The following SPAG9 variants were observed in gnomAD, a reference collection of about 807,000 sequenced individuals.
The protein encoded by SPAG9 is C-Jun-amino-terminal kinase-interacting protein 4.
In SPAG9, 35 loss-of-function variants were observed where a neutral mutation model predicts 166.5. That is an observed-to-expected ratio of 0.21 (90% CI 0.16 to 0.28). The LOEUF (loss-of-function observed/expected upper bound fraction) is 0.28. SPAG9 is among the 10% of genes least tolerant of loss of function. The probability of loss-of-function intolerance (pLI) is 1.00; values close to 1 mark genes in which losing one functional copy is unlikely to be tolerated. For synonymous variants in SPAG9, 534 were observed against 565.5 expected (o/e 0.94, Z 0.79); for missense variants, 1,235 against 1,603.3 (o/e 0.77, Z 3.92).
chr17:51,048,508 G>A (rs1042843980), intron 3 of SPAG9, among the ~76,000 whole-genome samples: 5 of 151,118 alleles, frequency 3.3e-5, no homozygotes, highest in Non-Finnish European at 5.9e-5. Context: ...TCTTAACGCT[G>A]TACATAGAAT....
rs772462838 is a variant in SPAG9, at chr17:50,970,764, G to T, written c.3793C>A (p.Pro1265Thr). 4 of 1,614,072 alleles carry T rather than the reference G, an allele frequency of 2.5e-6. No individual in the cohort carries two copies. The highest frequency in any genetic ancestry group is 3.3e-4 in the Middle Eastern group (2 of 6,060). Residue 1265 changes from proline to threonine, a missense_variant, in exon 29 of 30, where the codon CCC becomes ACC. Physicochemically the swap from Pro to Thr is conservative, Grantham distance 38. Transcript: ENST00000262013. Reference sequence around the variant, plus strand: ...CTGATGACAAGCATAGACTTCAAGGGCGTCTGACTACCAGGCTCCTGTGCA... The same window carrying T: ...CTGATGACAAGCATAGACTTCAAGGTCGTCTGACTACCAGGCTCCTGTGCA... ...PSAQEPGSQT[P>T]LKSMLVISGG...
chr17:51,075,195 CAA>C (rs57533555), intron 2 of SPAG9, among the ~76,000 whole-genome samples: 296 of 28,910 alleles, frequency 0.01, 2 homozygotes, highest in African/African-American at 0.033. Flanking sequence ...GACTCCATCT[CAA>C]AAAAAAAAAA....
At chr17:51,101,345 CAAAAAAAA>C (rs60896400) in intron 1 of SPAG9, among the ~76,000 whole-genome samples, 29,381 of 92,148 alleles carry the variant, frequency 0.32, 3,598 homozygotes, top group Admixed American at 0.44. Flanking sequence ...GATTCTGTCT[CAAAAAAAA>C]AAAAAAAAAA....
intron 1 of SPAG9, among the ~76,000 whole-genome samples, chr17:51,112,104 A>G (rs2049129557): frequency 6.6e-6 from 1 of 152,156 alleles, no homozygotes; most frequent in South Asian, 2.1e-4. Context: ...TTCATAAAGC[A>G]ACAACCATAC....
chr17:50,981,527 T>C (rs78039459), intron 25 of SPAG9, among the ~76,000 whole-genome samples: 3 of 107,368 alleles, frequency 2.8e-5, no homozygotes, highest in South Asian at 6.2e-4. Flanking sequence ...GATAGATAGA[T>C]AGAAAGAAAG....
intron 1 of SPAG9, among the ~76,000 whole-genome samples, chr17:51,096,427 A>G (rs2048650435): frequency 6.6e-6 from 1 of 152,156 alleles, no homozygotes; most frequent in African/African-American, 2.4e-5. Flanking sequence ...AAAAAGTCTG[A>G]TAGTGCAGGA....
chr17:51,077,101 GCTAGCTAT>G lies in SPAG9; in HGVS notation c.424+2475_424+2482del, dbSNP rs1370106237. Among the ~76,000 whole-genome samples the G allele has an allele frequency of 2.9e-3, 297 of 102,090 alleles. 4 individuals are homozygous for G. The East Asian group carries it at 0.035, about 12-fold the overall frequency. 67.0% of individuals were successfully genotyped at this position (102,090 alleles called of 152,430 possible). A position where few individuals can be genotyped will look rare whatever the true frequency, so the allele number is the denominator to read the frequency against. On this transcript the variant is annotated intron_variant, in intron 2 of 29. Transcript: ENST00000262013. ...AGCTATCTAGCTAGCTATCTATCTAGCTAGCTATCTAGCTATCTAGCTAGCTATCTATC... is the reference window on the plus strand; with the variant it reads ...AGCTATCTAGCTAGCTATCTATCTAGCTAGCTATCTAGCTAGCTATCTATC...
intron 5 of SPAG9, among the ~76,000 whole-genome samples, chr17:51,037,158 A>G (rs1216951562): frequency 1.3e-5 from 2 of 152,108 alleles, no homozygotes; most frequent in African/African-American, 2.4e-5. Context: ...GCTGCAGTGC[A>G]GTGGCATGAT....
intron 6 of SPAG9, among the ~76,000 whole-genome samples, chr17:51,025,906 A>G (rs754942958): frequency 2.0e-5 from 3 of 152,226 alleles, no homozygotes; most frequent in Non-Finnish European, 4.4e-5. Context: ...CGTAACACAC[A>G]TTAAAAAATA....
chr17:51,000,812 G>T (rs1416048799), intron 13 of SPAG9, among the ~76,000 whole-genome samples: 2 of 151,894 alleles, frequency 1.3e-5, no homozygotes, highest in Non-Finnish European at 2.9e-5. Flanking sequence ...TCAGTTTTTT[G>T]AATATTTACT....
intron 16 of SPAG9, chr17:50,996,360 CT>C (rs1394316718): frequency 5.3e-6 from 3 of 571,280 alleles, no homozygotes; most frequent in Admixed American, 3.3e-5. Context: ...TCCTCCCCCC[CT>C]CACAGACTCA....
At chr17:51,060,346 T>C (rs1377496774) in intron 2 of SPAG9, among the ~76,000 whole-genome samples, 1 of 151,568 alleles carries the variant, frequency 6.6e-6, no homozygotes, top group East Asian at 1.9e-4. Context: ...CTACTAAAAA[T>C]ACAAAAATTA....
At chr17:50,984,347 T>C (rs1269082035) in intron 24 of SPAG9, among the ~76,000 whole-genome samples, 1 of 152,144 alleles carries the variant, frequency 6.6e-6, no homozygotes, top group Non-Finnish European at 1.5e-5. Context: ...TTTCTCCGAA[T>C]TGCATAAGTA....
At chr17:51,073,869 G>T (rs537035173) in intron 2 of SPAG9, among the ~76,000 whole-genome samples, 10 of 152,314 alleles carry the variant, frequency 6.6e-5, no homozygotes, top group African/African-American at 2.4e-4. Context: ...TTGGGAGGCC[G>T]AGGTGGGCGG....
intron 2 of SPAG9, among the ~76,000 whole-genome samples, chr17:51,077,029 TCTATCTAGCTATCTAG>T (rs1365726247): frequency 3.1e-5 from 2 of 65,344 alleles, no homozygotes; most frequent in Non-Finnish European, 7.0e-5. Context: ...TATCTAGCTA[TCTATCTAGCTATCTAG>T]CTATCTAGCT....
At chr17:51,093,806 G>T (rs2048538705) in intron 1 of SPAG9, among the ~76,000 whole-genome samples, 1 of 151,928 alleles carries the variant, frequency 6.6e-6, no homozygotes, top group South Asian at 2.1e-4. Flanking sequence ...AGGGTTGAGT[G>T]GAAGTCTAAA....
intron 27 of SPAG9, among the ~76,000 whole-genome samples, chr17:50,975,512 T>TC (rs1974146053): frequency 6.6e-6 from 1 of 152,000 alleles, no homozygotes; most frequent in Non-Finnish European, 1.5e-5. Context: ...TCACAAAACA[T>TC]CCCCATTCCA....
chr17:51,051,184 A>C (rs2047173404), intron 3 of SPAG9, among the ~76,000 whole-genome samples: 1 of 152,120 alleles, frequency 6.6e-6, no homozygotes, highest in Admixed American at 6.5e-5. Context: ...ATCTCAGCTC[A>C]CTGCAACCTC....
chr17:50,983,707 T>C (rs942823752), intron 24 of SPAG9, among the ~76,000 whole-genome samples: 1 of 152,238 alleles, frequency 6.6e-6, no homozygotes, highest in Admixed American at 6.5e-5. Context: ...TCATTTTTTT[T>C]CTAGGCTTTT....
Sources: allele counts gnomAD v4.1 joint callset (sites outside exome capture counted in the v4.1 genomes callset), GRCh38; gene constraint gnomAD v4.1.1; transcripts MANE v1.5; gene names NCBI Gene and HGNC (gene_info 2026-07-23, HGNC 2026-07-21).